Variants in FGF4 observed in about 807,000 individuals in gnomAD.
FGF4 encodes the protein heparin secretory transforming protein 1.
FGF4 carries 9 observed loss-of-function variants against 15.7 expected under a neutral mutation model. The observed-to-expected ratio is 0.57, with a 90% CI of 0.35 to 1.00. The LOEUF (loss-of-function observed/expected upper bound fraction) is 1.00. Ranked by LOEUF, FGF4 falls within the 50% of genes least tolerant of loss-of-function variation. The pLI is 0.02. For missense variants in FGF4, 286 were observed against 297.3 expected (o/e 0.96, Z 0.28); for synonymous variants, 164 against 144.8 (o/e 1.13, Z -0.95).
chr11:69,773,986 C>G, intron 2 of FGF4, 38 bp downstream of exon 2: 1 of 1,536,476 alleles, frequency 6.5e-7, no homozygotes, highest in Non-Finnish European at 8.9e-7. Context: ...GTCCGCTGTT[C>G]CCAACTAGGT....
chr11:69,773,359 T>C lies in FGF4; in HGVS notation c.571A>G (p.Asn191Asp), dbSNP rs780362260. Residue 191 changes from asparagine (N) to aspartate (D), a missense_variant, in exon 3 of 3, where the codon AAC becomes GAC. Transcript: ENST00000168712. ...LSKNGKTKKG[N>D]RVSPTMKVTH... ...ACCTTCATGGTGGGCGACACTCGGT[T>C]CCCCTTCTTGGTCTTCCCATTCTTG... 1.9e-6 allele frequency: 3 copies of C among 1,613,738 alleles called. No individual in the cohort carries two copies. Among genetic ancestry groups the C allele is most frequent in the Non-Finnish European group, 2.5e-6 (3 of 1,179,790 alleles).
intron 1 of FGF4, 110 bp downstream of exon 1, chr11:69,774,635 G>A (rs1346184586): frequency 6.9e-5 from 56 of 813,232 alleles, no homozygotes; most frequent in Non-Finnish European, 9.2e-5. Flanking sequence ...CCCGGTTCCC[G>A]GGGCCCCCGA....
intron 2 of FGF4, among the ~76,000 whole-genome samples, chr11:69,773,798 C>T (rs770418060): frequency 6.6e-6 from 1 of 152,174 alleles, no homozygotes; most frequent in African/African-American, 2.4e-5. Context: ...CTCTCAATAG[C>T]GCCCTTTCCT....
In FGF4 at chr11:69,775,096, G is replaced by A; in HGVS notation, c.-12C>T. The A allele has an allele frequency of 7.7e-7, 1 of 1,307,118 alleles. No homozygotes were observed. The highest frequency in any genetic ancestry group is 9.7e-7 in the Non-Finnish European group (1 of 1,034,720). 81.0% of individuals were successfully genotyped at this position (1,307,118 alleles called of 1,614,324 possible). A position where few individuals can be genotyped will look rare whatever the true frequency, so the allele number is the denominator to read the frequency against. ...CCGGGCCCCGACATCCCGGCCCGAG[G>A]GCCGTGCGTCGGTCAGGCGGTCAGT... On this transcript the variant is annotated 5_prime_UTR_variant, in exon 1 of 3. Transcript: ENST00000168712.
At chr11:69,774,540 A>G (rs9666457) in intron 1 of FGF4, among the ~76,000 whole-genome samples, 124,081 of 152,104 alleles carry the variant, frequency 0.82, 51,562 homozygotes, top group Middle Eastern at 0.9. Flanking sequence ...GCGGCGCCCG[A>G]CCTCAGGGGT....
chr11:69,774,594 C>A, intron 1 of FGF4, 151 bp downstream of exon 1: 1 of 550,382 alleles, frequency 1.8e-6, no homozygotes, highest in South Asian at 3.4e-5. Context: ...TCCCCAGCCC[C>A]GCGTCAGAAG....
chr11:69,771,210 G>A lies in FGF4; in HGVS notation c.*2099C>T, dbSNP rs1855564328. 6.6e-6 allele frequency: 1 copy of A among 152,160 alleles called. No homozygotes were observed. The highest frequency in any genetic ancestry group is 1.5e-5 in the Non-Finnish European group (1 of 68,042). The allele number at this position is 152,160 out of a possible 1,614,324, so 9.4% of individuals were successfully genotyped here. ...GATTCTGAAAACAGTGGCACATACAGGAACCTCGAATCCCCATCACAGCAA... is the reference window on the plus strand; with the variant it reads ...GATTCTGAAAACAGTGGCACATACAAGAACCTCGAATCCCCATCACAGCAA... On this transcript the variant is annotated 3_prime_UTR_variant, in exon 3 of 3. Coordinates refer to ENST00000168712, the MANE Select transcript of FGF4 (RefSeq NM_002007.4).
rs1015418515 is a variant in FGF4, at chr11:69,773,924, T to G, written c.444+100A>C. 6.0e-6 allele frequency: 6 copies of G among 1,006,588 alleles called. No homozygotes were observed. In the South Asian group the frequency reaches 6.2e-5, roughly 10 times the overall value. The allele number at this position is 1,006,588 out of a possible 1,614,324, so 62.4% of individuals were successfully genotyped here. A position where few individuals can be genotyped will look rare whatever the true frequency, so the allele number is the denominator to read the frequency against. Reference sequence around the variant, plus strand: ...CGTGACCTGGTGACCCTGCCACCCCTCCAAGACCCAGGCACAGGTGGGGCT... The same window carrying G: ...CGTGACCTGGTGACCCTGCCACCCCGCCAAGACCCAGGCACAGGTGGGGCT... On this transcript the variant is annotated intron_variant, in intron 2 of 2. Transcript: ENST00000168712.
At chr11:69,773,610 C>A in intron 2 of FGF4, 125 bp from the exon 3 acceptor site, 1 of 870,082 alleles carries the variant, frequency 1.1e-6, no homozygotes, top group Non-Finnish European at 1.8e-6. Flanking sequence ...CTCTGCTGAG[C>A]AGTTAAGGTG....
rs1329583356 is a variant in FGF4 at position 69,774,695 on chromosome 11, C to A, written c.340+50G>T. On this transcript the variant is annotated intron_variant, in intron 1 of 2. Transcript: ENST00000168712. ...AGTGTGACTGAGCGGGTTGGCCCGG[C>A]GGCCGTTGCCCCCCGCCCCCGCCCC... 5 of 1,325,898 alleles carry A rather than the reference C, an allele frequency of 3.8e-6. No individual in the cohort carries two copies. In the East Asian group the frequency reaches 9.4e-5, roughly 25 times the overall value. 82.1% of individuals were successfully genotyped at this position (1,325,898 alleles called of 1,614,324 possible).
rs368582765 is a variant in FGF4 at position 69,772,821 on chromosome 11, G to A, written c.*488C>T. On this transcript the variant is annotated 3_prime_UTR_variant, in exon 3 of 3. Transcript: ENST00000168712. ...TACCCGAAGTAAACCGATATGTCCC[G>A]ATTAATAGCAACAGGGCACAAAGGG... is the stretch of plus-strand genomic sequence containing the variant. 15 of 178,246 alleles carry A rather than the reference G, an allele frequency of 8.4e-5. No homozygotes were observed. The highest frequency in any genetic ancestry group is 2.3e-3 in the Middle Eastern group (1 of 432). The allele number at this position is 178,246 out of a possible 1,614,324, so 11.0% of individuals were successfully genotyped here. A position where few individuals can be genotyped will look rare whatever the true frequency, so the allele number is the denominator to read the frequency against.
At position 69,775,072 on chromosome 11, in the gene FGF4, C is replaced by G; in HGVS notation, c.13G>C (p.Gly5Arg). Residue 5 changes from glycine to arginine, a missense_variant, in exon 1 of 3, where the codon GGG becomes CGG. By Grantham distance (125) the Gly-to-Arg change is moderately radical (BLOSUM62 -2). Coordinates refer to ENST00000168712, the MANE Select transcript of FGF4 (RefSeq NM_002007.4). ...GGGAGCAGCGCTACCGCGGCCGTCCCGGGCCCCGACATCCCGGCCCGAGGG... is the reference window on the plus strand; with the variant it reads ...GGGAGCAGCGCTACCGCGGCCGTCCGGGGCCCCGACATCCCGGCCCGAGGG... Reference protein sequence around the residue: MSGPGTAAVALLPAV... With the variant: MSGPRTAAVALLPAV... The G allele has an allele frequency of 3.7e-6, 5 of 1,334,874 alleles. No homozygotes were observed. The highest frequency in any genetic ancestry group is 4.8e-6 in the Non-Finnish European group (5 of 1,052,510). 82.7% of individuals were successfully genotyped at this position (1,334,874 alleles called of 1,614,324 possible).
At chr11:69,774,206 C>G (rs1472032421) in intron 1 of FGF4, 79 bp from the exon 2 acceptor site, 1 of 1,210,116 alleles carries the variant, frequency 8.3e-7, no homozygotes, top group African/African-American at 1.5e-5. Context: ...CCTCCGGGGA[C>G]CCTATTTCTG....
At position 69,774,749 on chromosome 11, in the gene FGF4, G is replaced by T. The variant is rs754176402; in HGVS notation, c.336C>A (p.Arg112=). 1.9e-5 allele frequency: 28 copies of T among 1,487,212 alleles called. No individual in the cohort carries two copies. Among genetic ancestry groups the T allele is most frequent in the Admixed American group, 7.0e-5 (3 of 43,156 alleles). 92.1% of individuals were successfully genotyped at this position (1,487,212 alleles called of 1,614,324 possible). Residue 112 remains arginine, a synonymous_variant, in exon 1 of 3, where the codon CGC becomes CGA. Coordinates refer to ENST00000168712, the MANE Select transcript of FGF4 (RefSeq NM_002007.4). ...GCGCCTGGCCGCGCCACTCACTGTC[G>T]CGGGTGTCCGCGTGCGCGCCGCCGA... ...GRIGGAHADT[R]DSLLELSPVE... is the part of the protein sequence containing the mutation.
chr11:69,773,990 A>G, intron 2 of FGF4, 34 bp downstream of exon 2: 1 of 1,547,372 alleles, frequency 6.5e-7, no homozygotes, highest in Non-Finnish European at 8.9e-7. Flanking sequence ...GCTGTTCCCA[A>G]CTAGGTGCCT....
At chr11:69,773,944 G>A (rs1282553445) in intron 2 of FGF4, 80 bp downstream of exon 2, 19 of 1,184,896 alleles carry the variant, frequency 1.6e-5, no homozygotes, top group Non-Finnish European at 2.3e-5. Context: ...AGGCACAGGT[G>A]GGGCTGGAGA....
rs564801473 is a variant in FGF4 at position 69,773,921 on chromosome 11, C to G, written c.444+103G>C. 2,247 of 921,514 alleles carry G rather than the reference C, an allele frequency of 2.4e-3. 9 individuals are homozygous for G. The highest frequency in any genetic ancestry group is 5.0e-3 in the South Asian group (299 of 60,086). The allele number at this position is 921,514 out of a possible 1,614,324, so 57.1% of individuals were successfully genotyped here. A position where few individuals can be genotyped will look rare whatever the true frequency, so the allele number is the denominator to read the frequency against. ...TCCCGTGACCTGGTGACCCTGCCAC[C>G]CCTCCAAGACCCAGGCACAGGTGGG... On this transcript the variant is annotated intron_variant, in intron 2 of 2. Transcript: ENST00000168712.
intron 2 of FGF4, among the ~76,000 whole-genome samples, chr11:69,773,788 C>T (rs1330842202): frequency 1.3e-5 from 2 of 152,192 alleles, no homozygotes; most frequent in Admixed American, 1.3e-4. Context: ...AAGGGAAGGG[C>T]TCTCAATAGC....
chr11:69,774,055 G>C lies in FGF4; in HGVS notation c.413C>G (p.Ala138Gly), dbSNP rs1487330048. ...ATAGAGCTTGCCCTTGCTGCTCATG[G>C]CCACGAAGAACCGGCTGGCCACGCC... ...IFGVASRFFV[A>G]MSSKGKLYGS... The change falls in exon 2 of 3, where the codon GCC (alanine) becomes GGC (glycine). Residue 138 changes from alanine (A) to glycine (G), a missense_variant. By Grantham distance (60) the Ala-to-Gly change is moderately conservative. Transcript: ENST00000168712. 1 of 1,613,192 alleles carries C rather than the reference G, an allele frequency of 6.2e-7. No individual in the cohort carries two copies. Among genetic ancestry groups the C allele is most frequent in the East Asian group, 2.2e-5 (1 of 44,864 alleles).
Sources: gnomAD v4.1 joint callset for allele counts (sites outside exome capture counted in the v4.1 genomes callset) on GRCh38, gnomAD v4.1.1 for gene constraint, MANE v1.5 for transcripts, NCBI Gene and HGNC (gene_info 2026-07-23, HGNC 2026-07-21) for gene names.